The following PIEZO1 variants were observed in gnomAD, a reference collection of about 807,000 sequenced individuals.
PIEZO1 encodes the protein piezo type mechanosensitive ion channel component 1 (Er blood group).
In PIEZO1, 296 loss-of-function variants were observed where a neutral mutation model predicts 297.2. The observed-to-expected ratio is 1.00, with a 90% CI of 0.91 to 1.10. PIEZO1 has a LOEUF of 1.10. Among genes scored for constraint, PIEZO1 ranks in the 50% least tolerant of loss-of-function variants. The pLI is 0.00. For missense variants in PIEZO1, 5,018 were observed against 3,455.5 expected (o/e 1.45, Z -11.34); for synonymous variants, 2,427 against 1,507.5 (o/e 1.61, Z -14.13).
intron 1 of PIEZO1, among the ~76,000 whole-genome samples, chr16:88,777,195 A>G (rs1907704851): frequency 6.6e-6 from 1 of 151,430 alleles, no homozygotes. Context: ...CTGGTCTTGA[A>G]CTCCTGGCCT....
Position 88,716,874 on chromosome 16 carries a change from G to A in PIEZO1, c.6685C>T (p.Gln2229Ter). Residue 2229 changes from glutamine to a stop codon, truncating the protein, a stop_gained, in exon 46 of 51, where the codon CAG becomes TAG. Coordinates refer to ENST00000301015, the MANE Select transcript of PIEZO1 (RefSeq NM_001142864.4). LOFTEE classifies it high-confidence loss of function. ...GCCGTGAAGGGGATGATGGACGGCT[G>A]CTGGGCGCTCATGGTGAACAGCGGC... is the stretch of plus-strand genomic sequence containing the variant. ...YEPLFTMSAQQPSIIPFTAQA... is the reference protein window; with the variant it reads ...YEPLFTMSAQ 6.5e-7 allele frequency: 1 copy of A among 1,549,912 alleles called. No individual in the cohort carries two copies. The highest frequency in any genetic ancestry group is 8.7e-7 in the Non-Finnish European group (1 of 1,146,934).
At chr16:88,769,586 C>A (rs1486873594) in intron 1 of PIEZO1, among the ~76,000 whole-genome samples, 2 of 152,254 alleles carry the variant, frequency 1.3e-5, no homozygotes, top group Non-Finnish European at 2.9e-5. Context: ...GCCCCCACCT[C>A]ACATCGGCCG....
rs1904488446 is a variant in PIEZO1, at chr16:88,726,957, A to G, written c.3457T>C (p.Ser1153Pro). 3 of 1,550,300 alleles carry G rather than the reference A, an allele frequency of 1.9e-6. No homozygotes were observed. Among genetic ancestry groups the G allele is most frequent in the Non-Finnish European group, 2.6e-6 (3 of 1,146,854 alleles). ...GCCACCTTCAGCATGTCAAGGTAGGACCTGCCAGGCCGGAGCGTCAGGGCG... is the reference window on the plus strand; with the variant it reads ...GCCACCTTCAGCATGTCAAGGTAGGGCCTGCCAGGCCGGAGCGTCAGGGCG... Reference protein sequence around the residue: ...NPVPNFIHCRSYLDMLKVAVF... With the variant: ...NPVPNFIHCRPYLDMLKVAVF... The change falls in exon 25 of 51, where the codon TCC (serine) becomes CCC (proline). Residue 1153 changes from serine to proline, a missense_variant and splice_region_variant. Ser to Pro is a moderately conservative substitution (Grantham distance 74). Transcript: ENST00000301015.
chr16:88,734,305 G>T, intron 16 of PIEZO1, 51 bp downstream of exon 16: 3 of 1,434,478 alleles, frequency 2.1e-6, no homozygotes, highest in Non-Finnish European at 2.8e-6. Flanking sequence ...TCCCTCCCTG[G>T]CCCAGGAGGC....
At position 88,723,904 on chromosome 16, in the gene PIEZO1, T is replaced by C. The variant is rs1489316655; in HGVS notation, c.4302A>G (p.Glu1434=). The C allele has an allele frequency of 6.5e-6, 10 of 1,549,352 alleles. No individual in the cohort carries two copies. The highest frequency in any genetic ancestry group is 8.7e-6 in the Non-Finnish European group (10 of 1,145,932). ...DSEEEEEAVP[E]DPRPSAQSAF... ...CACTCTGTGCCGACGGCCTCGGGTC[T>C]TCAGGAACAGCCTCCTCCTCTTCCT... The change falls in exon 31 of 51, where the codon GAA becomes GAG. Residue 1434 remains glutamate (E), a synonymous_variant. Transcript: ENST00000301015.
intron 1 of PIEZO1, among the ~76,000 whole-genome samples, chr16:88,762,599 G>A (rs1017633226): frequency 6.6e-6 from 1 of 152,200 alleles, no homozygotes; most frequent in Non-Finnish European, 1.5e-5. Flanking sequence ...GGTTTGCCAG[G>A]TCACCCGTGG....
At chr16:88,746,685 C>T (rs532488261) in intron 2 of PIEZO1, among the ~76,000 whole-genome samples, 9 of 152,304 alleles carry the variant, frequency 5.9e-5, no homozygotes, top group South Asian at 2.1e-4. Context: ...GCAGCATCTC[C>T]GTCTCTGAAG....
At position 88,720,294 on chromosome 16, in the gene PIEZO1, G is replaced by A; in HGVS notation, c.5950-11C>T. The A allele has an allele frequency of 6.5e-7, 1 of 1,550,266 alleles. No individual in the cohort carries two copies. Among genetic ancestry groups the A allele is most frequent in the Non-Finnish European group, 8.7e-7 (1 of 1,146,918 alleles). On this transcript the variant is annotated splice_polypyrimidine_tract_variant and intron_variant, in intron 41 of 50. Coordinates refer to ENST00000301015, the MANE Select transcript of PIEZO1 (RefSeq NM_001142864.4). ...GGCCGCCGAGTGCTTCTGTGGCCAGGAGAGCACAGGTCAGGGGGAGCCAAG... is the reference window on the plus strand; with the variant it reads ...GGCCGCCGAGTGCTTCTGTGGCCAGAAGAGCACAGGTCAGGGGGAGCCAAG...
intron 29 of PIEZO1, 71 bp from the exon 30 acceptor site, chr16:88,725,151 C>A: frequency 9.3e-7 from 1 of 1,077,278 alleles, no homozygotes; most frequent in Non-Finnish European, 1.3e-6. Context: ...TGAGTGCTCC[C>A]GTCTTGGAGA....
In PIEZO1 at chr16:88,723,906, C is replaced by T. The variant is rs1191064349; in HGVS notation, c.4300G>A (p.Glu1434Lys). 3 of 1,549,500 alleles carry T rather than the reference C, an allele frequency of 1.9e-6. No individual in the cohort carries two copies. The African/African-American group carries it at 4.1e-5, about 21-fold the overall frequency. ...CTCTGTGCCGACGGCCTCGGGTCTT[C>T]AGGAACAGCCTCCTCCTCTTCCTCA... ...DSEEEEEAVPEDPRPSAQSAF... is the reference protein window; with the variant it reads ...DSEEEEEAVPKDPRPSAQSAF... The change falls in exon 31 of 51, where the codon GAA becomes AAA. Residue 1434 changes from glutamate (E) to lysine (K), a missense_variant. Coordinates refer to ENST00000301015, the MANE Select transcript of PIEZO1 (RefSeq NM_001142864.4).
chr16:88,725,381 C>A (rs574939876), intron 29 of PIEZO1, 35 bp downstream of exon 29: 1 of 1,255,356 alleles, frequency 8.0e-7, no homozygotes, highest in Non-Finnish European at 1.1e-6. Context: ...ATGCTGGACA[C>A]GGGGCCCTGG....
At chr16:88,754,102 C>G (rs73266676) in intron 1 of PIEZO1, among the ~76,000 whole-genome samples, 10,486 of 152,242 alleles carry the variant, frequency 0.069, 1,210 homozygotes, top group African/African-American at 0.24. Flanking sequence ...AACCCCCTCG[C>G]CTCACCAGCA....
intron 2 of PIEZO1, among the ~76,000 whole-genome samples, chr16:88,747,188 G>A (rs562725568): frequency 6.6e-6 from 1 of 150,784 alleles, no homozygotes; most frequent in Non-Finnish European, 1.5e-5. Context: ...CCATGATCAT[G>A]CCACTGCTCT....
At chr16:88,757,744 C>G (rs888235413) in intron 1 of PIEZO1, among the ~76,000 whole-genome samples, 5 of 152,138 alleles carry the variant, frequency 3.3e-5, no homozygotes, top group African/African-American at 2.4e-5. Flanking sequence ...GGAGGCATCA[C>G]TCTCCTTGGG....
Position 88,734,868 on chromosome 16 carries a change from C to G in PIEZO1, c.1848+7G>C, listed in dbSNP as rs766169011. ...TGCCCCAGCCCCCATCCCGGCCCCCCAGCCACCTGGAAGAGGGTGAGGCAG... is the reference window on the plus strand; with the variant it reads ...TGCCCCAGCCCCCATCCCGGCCCCCGAGCCACCTGGAAGAGGGTGAGGCAG... On this transcript the variant is annotated splice_region_variant and intron_variant, in intron 14 of 50. Coordinates refer to ENST00000301015, the MANE Select transcript of PIEZO1 (RefSeq NM_001142864.4). 4 of 1,550,222 alleles carry G rather than the reference C, an allele frequency of 2.6e-6. No homozygotes were observed. The African/African-American group carries it at 4.1e-5, about 16-fold the overall frequency.
chr16:88,778,721 C>A (rs998053514), intron 1 of PIEZO1, among the ~76,000 whole-genome samples: 1 of 152,192 alleles, frequency 6.6e-6, no homozygotes, highest in East Asian at 1.9e-4. Flanking sequence ...CAGCGTCCAC[C>A]GTGGAGAAAC....
At position 88,736,167 on chromosome 16, in the gene PIEZO1, C is replaced by A. The variant is rs1567674168; in HGVS notation, c.1538G>T (p.Cys513Phe). The change falls in exon 12 of 51, where the codon TGT becomes TTT. Residue 513 changes from cysteine to phenylalanine, a missense_variant. Coordinates refer to ENST00000301015, the MANE Select transcript of PIEZO1 (RefSeq NM_001142864.4). ...QLGLEHTRYP[C>F]LDLGAMLLYT... Reference sequence around the variant, plus strand: ...ACTCACCATGGCACCAAGGTCCAGACAGGGGTAGCGGGTGTGCTCCAGCCC... The same window carrying A: ...ACTCACCATGGCACCAAGGTCCAGAAAGGGGTAGCGGGTGTGCTCCAGCCC... 2 of 1,547,550 alleles carry A rather than the reference C, an allele frequency of 1.3e-6. No homozygotes were observed. Among genetic ancestry groups the A allele is most frequent in the South Asian group, 1.2e-5 (1 of 83,926 alleles).
rs1338600483 is a variant in PIEZO1 at position 88,723,216 on chromosome 16, C to T, written c.4438+10G>A. ...GCTTCCCCTCAGAGTCCCCACGCCC[C>T]CCAGCTCACCTGTGGGTAGCTGTCC... On this transcript the variant is annotated intron_variant, in intron 32 of 50. Coordinates refer to ENST00000301015, the MANE Select transcript of PIEZO1 (RefSeq NM_001142864.4). 6.5e-7 allele frequency: 1 copy of T among 1,548,410 alleles called. No individual in the cohort carries two copies. Among genetic ancestry groups the T allele is most frequent in the Admixed American group, 2.0e-5 (1 of 51,008 alleles).
At chr16:88,724,290 G>A (rs1487561620) in intron 30 of PIEZO1, among the ~76,000 whole-genome samples, 1 of 152,240 alleles carries the variant, frequency 6.6e-6, no homozygotes, top group East Asian at 1.9e-4. Flanking sequence ...CAGCACTGTG[G>A]GAGGCTGAGG....
Sources: allele counts gnomAD v4.1 joint callset (sites outside exome capture counted in the v4.1 genomes callset), GRCh38; gene constraint gnomAD v4.1.1; transcripts MANE v1.5; gene names NCBI Gene and HGNC (gene_info 2026-07-23, HGNC 2026-07-21).